Variants in CADM3 observed in about 807,000 individuals in gnomAD.
The protein encoded by CADM3 is TSLC1-like 1.
CADM3 carries 11 observed loss-of-function variants against 44.9 expected under a neutral mutation model. That is an observed-to-expected ratio of 0.25 (90% confidence interval 0.15 to 0.41). The LOEUF (loss-of-function observed/expected upper bound fraction) is 0.41, where lower values mean the gene tolerates loss of function less well. Among genes scored for constraint, CADM3 ranks in the 10% least tolerant of loss-of-function variants. The pLI is 1.00. For missense variants in CADM3, 426 were observed against 512.0 expected (o/e 0.83, Z 1.62); for synonymous variants, 207 against 205.2 (o/e 1.01, Z -0.08).
Position 159,196,916 on chromosome 1 carries a change from G to A in CADM3, c.808G>A (p.Glu270Lys). The A allele has an allele frequency of 1.9e-6, 3 of 1,614,026 alleles. No homozygotes were observed. Among genetic ancestry groups the A allele is most frequent in the Non-Finnish European group, 2.5e-6 (3 of 1,180,002 alleles). The change falls in exon 7 of 9, where the codon GAG becomes AAG. Residue 270 changes from glutamate (E) to lysine (K), a missense_variant. Transcript: ENST00000368125. ...PVPQQYLWEK[E>K]GSVPPLKMTQ... Reference sequence around the variant, plus strand: ...CCCCCAGCAGTACCTATGGGAGAAGGAGGGCAGTGTGCCACCCCTGAAGAT... The same window carrying A: ...CCCCCAGCAGTACCTATGGGAGAAGAAGGGCAGTGTGCCACCCCTGAAGAT...
chr1:159,183,880 T>G (rs1649326765), intron 1 of CADM3, among the ~76,000 whole-genome samples: 1 of 152,194 alleles, frequency 6.6e-6, no homozygotes, highest in South Asian at 2.1e-4. Context: ...GATTAGGAAA[T>G]TACAAAGTGA....
intron 7 of CADM3, chr1:159,198,279 C>T (rs1456961806): frequency 6.6e-6 from 1 of 152,156 alleles, no homozygotes; most frequent in Non-Finnish European, 1.5e-5. Context: ...TTGATGACCC[C>T]AGAGGTCGTT....
intron 5 of CADM3, chr1:159,195,820 C>T (rs2814755): frequency 0.089 from 13,517 of 152,716 alleles, 1,735 homozygotes; most frequent in African/African-American, 0.28. Flanking sequence ...TCACAGAGCC[C>T]TTCTATATTG....
rs146563996 is a variant in CADM3, at chr1:159,172,291, T to A, written c.88+438T>A. 7.9e-5 allele frequency among the ~76,000 whole-genome samples: 12 copies of A among 152,208 alleles called. 1 individual carries two copies. The East Asian group carries it at 2.3e-3, about 29-fold the overall frequency. On this transcript the variant is annotated intron_variant, in intron 1 of 8. Coordinates refer to ENST00000368125, the MANE Select transcript of CADM3 (RefSeq NM_001127173.3). ...TCAGGGCGTGTGTCGGGTGTTTGTG[T>A]ATGTATGTCTGTAGGGGTTGGGTAG...
chr1:159,176,000 T>A (rs1377528119), intron 1 of CADM3, among the ~76,000 whole-genome samples: 3 of 152,234 alleles, frequency 2.0e-5, no homozygotes, highest in Non-Finnish European at 2.9e-5. Context: ...TTAAATCACT[T>A]GGTAGGAAAA....
intron 1 of CADM3, among the ~76,000 whole-genome samples, chr1:159,187,134 G>A (rs748366155): frequency 7.9e-5 from 12 of 152,364 alleles, no homozygotes; most frequent in Non-Finnish European, 1.8e-4. Context: ...AGAAGCAGCA[G>A]AGTGAAGACT....
intron 1 of CADM3, 90 bp from the exon 2 acceptor site, chr1:159,191,846 T>A (rs1649675051): frequency 6.7e-7 from 1 of 1,491,018 alleles, no homozygotes; most frequent in Admixed American, 1.7e-5. Context: ...GGGCCTTGGA[T>A]GGTCTGAACT....
intron 1 of CADM3, among the ~76,000 whole-genome samples, chr1:159,188,487 T>G (rs1649508064): frequency 6.6e-6 from 1 of 151,514 alleles, no homozygotes; most frequent in Non-Finnish European, 1.5e-5. Flanking sequence ...CGCCCCTTTC[T>G]CCCCTCTCCT....
chr1:159,181,361 G>A (rs1350217737), intron 1 of CADM3, among the ~76,000 whole-genome samples: 4 of 152,202 alleles, frequency 2.6e-5, no homozygotes, highest in Non-Finnish European at 4.4e-5. Flanking sequence ...TGTCTAAAGT[G>A]TTTGATCATA....
chr1:159,192,099 T>C (rs1248246106), intron 2 of CADM3, 23 bp downstream of exon 2: 1 of 1,612,398 alleles, frequency 6.2e-7, no homozygotes, highest in Non-Finnish European at 8.5e-7. Context: ...GAGTTATCTT[T>C]CTCCGTGAAA....
intron 4 of CADM3, 31 bp downstream of exon 4, chr1:159,193,591 G>A: frequency 6.2e-7 from 1 of 1,614,080 alleles, no homozygotes; most frequent in Non-Finnish European, 8.5e-7. Flanking sequence ...GGTTACAGGA[G>A]AAAGTGGTGC....
intron 1 of CADM3, among the ~76,000 whole-genome samples, chr1:159,185,036 CAAG>C (rs1231503869): frequency 2.6e-5 from 4 of 152,134 alleles, no homozygotes; most frequent in East Asian, 3.9e-4. Flanking sequence ...TCAGAACAGA[CAAG>C]AAGATAATTC....
intron 1 of CADM3, among the ~76,000 whole-genome samples, chr1:159,185,614 G>A (rs969626129): frequency 1.5e-4 from 23 of 152,270 alleles, no homozygotes; most frequent in African/African-American, 5.5e-4. Flanking sequence ...TGAATATACA[G>A]CAACTAATTT....
In CADM3 at chr1:159,191,795, C is replaced by G. The variant is rs981739552; in HGVS notation, c.89-141C>G. On this transcript the variant is annotated intron_variant, in intron 1 of 8. Transcript: ENST00000368125. ...GCCACCACCACCTCTTTTCCTTCCC[C>G]CATGAAACCTTACGGGTACACAGAG... The G allele has an allele frequency of 2.4e-5, 22 of 907,414 alleles. No individual in the cohort carries two copies. The Admixed American group carries it at 4.7e-4, about 19-fold the overall frequency. The allele number at this position is 907,414 out of a possible 1,614,324, so 56.2% of individuals were successfully genotyped here. A position where few individuals can be genotyped will look rare whatever the true frequency, so the allele number is the denominator to read the frequency against.
Position 159,192,791 on chromosome 1 carries a change from A to G in CADM3, c.382+61A>G. 4 of 1,538,778 alleles carry G rather than the reference A, an allele frequency of 2.6e-6. No homozygotes were observed. In the Admixed American group the frequency reaches 5.9e-5, roughly 23 times the overall value. ...CTTCCTTGCAAACAAACCTCCCTAG[A>G]TGGGTCCCTGAAGCAGCTGGGAGCC... On this transcript the variant is annotated intron_variant, in intron 3 of 8. Coordinates refer to ENST00000368125, the MANE Select transcript of CADM3 (RefSeq NM_001127173.3).
chr1:159,193,971 G>T lies in CADM3; in HGVS notation c.622G>T (p.Val208Leu), dbSNP rs752968520. The T allele has an allele frequency of 1.9e-6, 3 of 1,614,036 alleles. No individual in the cohort carries two copies. The change falls in exon 5 of 9, where the codon GTG becomes TTG. Residue 208 changes from valine to leucine, a missense_variant. Val to Leu is a conservative substitution (Grantham distance 32, BLOSUM62 1). Coordinates refer to ENST00000368125, the MANE Select transcript of CADM3 (RefSeq NM_001127173.3). ...CCGGGAGGATGATGGGGCGAGCATCGTGTGCTCTGTGAACCATGAATCTCT... is the reference window on the plus strand; with the variant it reads ...CCGGGAGGATGATGGGGCGAGCATCTTGTGCTCTGTGAACCATGAATCTCT... ...VTREDDGASI[V>L]CSVNHESLKG...
intron 1 of CADM3, among the ~76,000 whole-genome samples, chr1:159,189,251 G>T (rs61828178): frequency 0.063 from 9,625 of 152,246 alleles, 403 homozygotes; most frequent in Middle Eastern, 0.099. Context: ...TGCAAAATAG[G>T]AATGATAATG....
At chr1:159,193,662 A>G (rs1446588993) in intron 4 of CADM3, 102 bp downstream of exon 4, 18 of 1,533,670 alleles carry the variant, frequency 1.2e-5, no homozygotes, top group Non-Finnish European at 1.6e-5. Flanking sequence ...TGGAAGAGAA[A>G]AGGGGAATGA....
intron 8 of CADM3, among the ~76,000 whole-genome samples, chr1:159,200,512 G>A (rs1221747244): frequency 2.9e-5 from 3 of 103,558 alleles, no homozygotes; most frequent in Admixed American, 2.0e-4. Flanking sequence ...ACACGCATGC[G>A]TGCAAGCACA....
Sources: allele counts gnomAD v4.1 joint callset (sites outside exome capture counted in the v4.1 genomes callset), GRCh38; gene constraint gnomAD v4.1.1; transcripts MANE v1.5; gene names NCBI Gene and HGNC (gene_info 2026-07-23, HGNC 2026-07-21).